The following B4GALT6 variants were observed in gnomAD, a reference collection of about 807,000 sequenced individuals.
B4GALT6 encodes beta-1,4-galactosyltransferase 6.
A neutral mutation model predicts 46.3 loss-of-function variants in B4GALT6; 14 were observed. The ratio of observed to expected loss-of-function variants is 0.30; its 90% CI spans 0.20 to 0.47. B4GALT6 has a LOEUF of 0.47. Ranked by LOEUF, B4GALT6 falls within the 20% of genes least tolerant of loss-of-function variation. The pLI, the probability that B4GALT6 is intolerant of heterozygous loss-of-function variation, is 0.99. For synonymous variants in B4GALT6, 168 were observed against 162.0 expected, an observed-to-expected ratio of 1.04 and a Z score of -0.28; for missense variants, 386 against 480.1, an observed-to-expected ratio of 0.80 and a Z score of 1.83.
intron 3 of B4GALT6, among the ~76,000 whole-genome samples, chr18:31,649,539 T>A (rs1378789251): frequency 7.7e-6 from 1 of 130,490 alleles, no homozygotes; most frequent in African/African-American, 2.9e-5. Flanking sequence ...ATTTAAACAA[T>A]TCAACAAGCA....
At chr18:31,711,926 C>A in the B4GALT6 span, among the ~76,000 whole-genome samples, 10 of 152,268 alleles carry the variant, frequency 6.6e-5, no homozygotes, top group Non-Finnish European at 1.5e-4. Flanking sequence ...TGTCTATCTC[C>A]CACAGACAGG....
intron 1 of B4GALT6, among the ~76,000 whole-genome samples, chr18:31,677,448 A>AATTGAGTGCCACCTGAAAGT (rs1213185765): frequency 1.3e-5 from 2 of 152,200 alleles, no homozygotes; most frequent in Admixed American, 1.3e-4. Flanking sequence ...AGAAAAACAG[A>AATTGAGTGCCACCTGAAAGT]ATTGAGTGCC....
intron 1 of B4GALT6, among the ~76,000 whole-genome samples, chr18:31,669,230 T>TA (rs2074320814): frequency 6.6e-6 from 1 of 152,176 alleles, no homozygotes; most frequent in Non-Finnish European, 1.5e-5. Flanking sequence ...GTGCATAACT[T>TA]ACGTAATTTT....
At chr18:31,663,247 C>G (rs545422726) in intron 2 of B4GALT6, among the ~76,000 whole-genome samples, 14 of 152,200 alleles carry the variant, frequency 9.2e-5, no homozygotes, top group Non-Finnish European at 1.8e-4. Context: ...GTGTTAGAAA[C>G]CGATGAGAGT....
At chr18:31,653,078 T>A (rs138977699) in intron 3 of B4GALT6, among the ~76,000 whole-genome samples, 61 of 151,644 alleles carry the variant, frequency 4.0e-4, no homozygotes, top group African/African-American at 1.4e-3. Flanking sequence ...CTGAGAGAAA[T>A]GCATACAGGC....
chr18:31,720,271 A>C, the B4GALT6 span, among the ~76,000 whole-genome samples: 1 of 152,218 alleles, frequency 6.6e-6, no homozygotes, highest in Non-Finnish European at 1.5e-5. Context: ...AGGTGGATGA[A>C]CCTGAAATAC....
chr18:31,635,123 C>T (rs1448608977), intron 5 of B4GALT6, among the ~76,000 whole-genome samples: 2 of 151,926 alleles, frequency 1.3e-5, no homozygotes, highest in Non-Finnish European at 2.9e-5. Flanking sequence ...CCCAGTTACT[C>T]GGGAGGCTGA....
At chr18:31,630,934 A>C in intron 6 of B4GALT6, 25 bp downstream of exon 6, 1 of 1,611,452 alleles carries the variant, frequency 6.2e-7, no homozygotes, top group Non-Finnish European at 8.5e-7. Flanking sequence ...ATCGTACAAT[A>C]TCAGGAATAG....
chr18:31,719,246 G>A, the B4GALT6 span: 1 of 152,248 alleles, frequency 6.6e-6, no homozygotes, highest in African/African-American at 2.4e-5. Context: ...GGAGAACTCA[G>A]GCTATGCTGT....
At chr18:31,702,225 C>T in the B4GALT6 span, among the ~76,000 whole-genome samples, 214 of 152,292 alleles carry the variant, frequency 1.4e-3, 2 homozygotes, top group African/African-American at 4.6e-3. Flanking sequence ...CTTGTCAGTA[C>T]TTATTAATGT....
intron 2 of B4GALT6, 78 bp from the exon 3 acceptor site, chr18:31,658,167 C>T (rs547175153): frequency 2.0e-5 from 20 of 1,012,932 alleles, no homozygotes. Flanking sequence ...ACGTCACTAT[C>T]ACTGGGAGAA....
At chr18:31,628,074 G>C (rs1422840113) in intron 6 of B4GALT6, among the ~76,000 whole-genome samples, 1 of 152,180 alleles carries the variant, frequency 6.6e-6, no homozygotes, top group Admixed American at 6.5e-5. Flanking sequence ...TTGCCAGCTG[G>C]GGTCTTGTGT....
At chr18:31,718,578 T>A in the B4GALT6 span, among the ~76,000 whole-genome samples, 1 of 152,130 alleles carries the variant, frequency 6.6e-6, no homozygotes, top group Non-Finnish European at 1.5e-5. Flanking sequence ...GCAGAGTCAC[T>A]AAGAGCCAGC....
chr18:31,627,017 T>C lies in B4GALT6; in HGVS notation c.881A>G (p.Asp294Gly), dbSNP rs779634049. 2 of 1,610,856 alleles carry C rather than the reference T, an allele frequency of 1.2e-6. No homozygotes were observed. Among genetic ancestry groups the C allele is most frequent in the Non-Finnish European group, 8.5e-7 (1 of 1,178,912 alleles). The change falls in exon 7 of 9, where the codon GAT becomes GGT. Residue 294 changes from aspartate (D) to glycine (G), a missense_variant. Around this residue, in one of 2 missense-constraint regions of B4GALT6, gnomAD observed 323 missense variants for 438.9 expected, o/e 0.74. Coordinates refer to ENST00000306851, the MANE Select transcript of B4GALT6 (RefSeq NM_004775.5). ...AACATACCTGTTCCAAAGGTCATCA[T>C]CTTCTCCTCCCCATCCCCAGAAGGC... Reference protein sequence around the residue: ...PNAFWGWGGEDDDLWNRVHYA... With the variant: ...PNAFWGWGGEGDDLWNRVHYA...
At chr18:31,661,343 A>G (rs2074213423) in intron 2 of B4GALT6, among the ~76,000 whole-genome samples, 2 of 152,250 alleles carry the variant, frequency 1.3e-5, no homozygotes, top group African/African-American at 4.8e-5. Flanking sequence ...AGATAAATAC[A>G]GAATAAATTG....
chr18:31,683,620 C>T (rs2074506747), intron 1 of B4GALT6, among the ~76,000 whole-genome samples: 1 of 152,050 alleles, frequency 6.6e-6, no homozygotes, highest in African/African-American at 2.4e-5. Context: ...AATGATAAAC[C>T]GGTTAACATT....
intron 3 of B4GALT6, among the ~76,000 whole-genome samples, chr18:31,651,144 A>G (rs888645459): frequency 1.3e-5 from 2 of 152,062 alleles, no homozygotes; most frequent in African/African-American, 4.8e-5. Context: ...TCACCCGATC[A>G]CAGCACCTAC....
At chr18:31,696,380 C>T in the B4GALT6 span, among the ~76,000 whole-genome samples, 373 of 152,310 alleles carry the variant, frequency 2.4e-3, 2 homozygotes, top group South Asian at 4.6e-3. Context: ...GCCCTCCATT[C>T]CATTTAGATT....
intron 1 of B4GALT6, among the ~76,000 whole-genome samples, chr18:31,670,772 ATACTT>A (rs1289122663): frequency 3.3e-5 from 5 of 152,080 alleles, no homozygotes; most frequent in South Asian, 4.1e-4. Context: ...TTTTATTATT[ATACTT>A]TAAGTTCTGG....
Sources: allele counts gnomAD v4.1 joint callset (sites outside exome capture counted in the v4.1 genomes callset), GRCh38; gene constraint gnomAD v4.1.1; regional missense constraint gnomAD v4.1.1; transcripts MANE v1.5; gene names NCBI Gene and HGNC (gene_info 2026-07-23, HGNC 2026-07-21).